The following SLC4A4 variants were observed in gnomAD, a reference collection of about 807,000 sequenced individuals.
SLC4A4 encodes solute carrier family 4 member 4, also known as electrogenic sodium bicarbonate cotransporter 1.
SLC4A4 carries 27 observed loss-of-function variants against 111.5 expected under a neutral mutation model. That is an observed-to-expected ratio of 0.24 (90% confidence interval 0.18 to 0.33). The LOEUF is 0.33. Among genes scored for constraint, SLC4A4 ranks in the 10% least tolerant of loss-of-function variants. The probability of loss-of-function intolerance (pLI) is 1.00; values close to 1 mark genes in which losing one functional copy is unlikely to be tolerated. For missense variants in SLC4A4, 909 were observed against 1,315.5 expected (o/e 0.69, Z 4.78); for synonymous variants, 443 against 463.4 (o/e 0.96, Z 0.57).
intron 3 of SLC4A4, among the ~76,000 whole-genome samples, chr4:71,310,898 G>A (rs949567392): frequency 1.3e-5 from 2 of 152,180 alleles, no homozygotes; most frequent in Admixed American, 6.6e-5. Context: ...TGGATAAAGA[G>A]TCAAGACCCA....
chr4:71,493,645 GTCTT>G (rs1234336549), intron 15 of SLC4A4, among the ~76,000 whole-genome samples: 3 of 150,112 alleles, frequency 2.0e-5, no homozygotes, highest in Non-Finnish European at 4.5e-5. Flanking sequence ...CTCTCTCTCT[GTCTT>G]TCTCTCTCTC....
At chr4:71,246,136 C>T (rs577860054) in intron 2 of SLC4A4, among the ~76,000 whole-genome samples, 1 of 152,130 alleles carries the variant, frequency 6.6e-6, no homozygotes, top group African/African-American at 2.4e-5. Context: ...AAACGTTTAG[C>T]CTTTCCCTCT....
intron 3 of SLC4A4, among the ~76,000 whole-genome samples, chr4:71,319,034 T>C (rs189255841): frequency 1.3e-5 from 2 of 152,034 alleles, no homozygotes; most frequent in African/African-American, 4.8e-5. Flanking sequence ...TTAATATTCA[T>C]TGGTGTCTCT....
intron 12 of SLC4A4, among the ~76,000 whole-genome samples, chr4:71,455,324 C>A (rs983750855): frequency 2.0e-5 from 3 of 152,144 alleles, no homozygotes; most frequent in African/African-American, 7.2e-5. Flanking sequence ...ATGAAATAGA[C>A]AGAGCATGTT....
At chr4:71,287,470 T>G (rs1377805269) in intron 3 of SLC4A4, among the ~76,000 whole-genome samples, 3 of 152,336 alleles carry the variant, frequency 2.0e-5, no homozygotes, top group Admixed American at 2.0e-4. Flanking sequence ...TGAGTGTTGT[T>G]TGGTGTTTCG....
At chr4:71,428,277 A>G (rs752266061) in intron 7 of SLC4A4, among the ~76,000 whole-genome samples, 5 of 152,140 alleles carry the variant, frequency 3.3e-5, no homozygotes, top group Non-Finnish European at 2.9e-5. Flanking sequence ...GGATCTTAAG[A>G]TTCTACAGTA....
At chr4:71,417,582 T>C (rs914173477) in intron 7 of SLC4A4, among the ~76,000 whole-genome samples, 4 of 152,242 alleles carry the variant, frequency 2.6e-5, no homozygotes, top group African/African-American at 9.6e-5. Context: ...CCTGCAGTTC[T>C]TGTTTTTCTT....
rs1379865823 is a variant in SLC4A4, at chr4:71,534,214, T to C, written c.2281-13T>C. On this transcript the variant is annotated splice_polypyrimidine_tract_variant and intron_variant, in intron 17 of 25. Transcript: ENST00000264485. ...TGATAATTTTCTGAAAAATGTCATC[T>C]GTCTTTTTCAAGCCAACAAGTCCAA... 1.9e-6 allele frequency: 3 copies of C among 1,613,070 alleles called. No individual in the cohort carries two copies. The highest frequency in any genetic ancestry group is 1.7e-5 in the Admixed American group (1 of 59,900).
At chr4:71,217,170 A>G (rs1354072778) in intron 1 of SLC4A4, among the ~76,000 whole-genome samples, 2 of 152,164 alleles carry the variant, frequency 1.3e-5, no homozygotes, top group African/African-American at 2.4e-5. Flanking sequence ...CCTTACTGAG[A>G]CTGAATAATA....
intron 11 of SLC4A4, 102 bp downstream of exon 11, chr4:71,451,403 G>A (rs546881193): frequency 4.3e-5 from 34 of 797,418 alleles, no homozygotes; most frequent in Middle Eastern, 2.2e-4. Context: ...CATCTGTTCA[G>A]CCAACAAATA....
At chr4:71,341,894 A>C (rs1440138728) in intron 4 of SLC4A4, among the ~76,000 whole-genome samples, 2 of 152,170 alleles carry the variant, frequency 1.3e-5, no homozygotes, top group African/African-American at 4.8e-5. Context: ...ATCTTTCATA[A>C]CTTAAACAAT....
intron 2 of SLC4A4, among the ~76,000 whole-genome samples, chr4:71,243,653 G>A (rs1466227469): frequency 6.6e-6 from 1 of 152,212 alleles, no homozygotes; most frequent in East Asian, 1.9e-4. Context: ...CAGGTGGGAT[G>A]AAAGGTGAAG....
At chr4:71,480,070 G>A (rs1054140741) in intron 14 of SLC4A4, among the ~76,000 whole-genome samples, 3 of 144,288 alleles carry the variant, frequency 2.1e-5, no homozygotes, top group African/African-American at 7.7e-5. Context: ...CACCCAAACT[G>A]GAATGCAGTG....
At chr4:71,502,137 T>G (rs759113851) in intron 16 of SLC4A4, among the ~76,000 whole-genome samples, 1 of 152,192 alleles carries the variant, frequency 6.6e-6, no homozygotes, top group African/African-American at 2.4e-5. Flanking sequence ...ATTTTTGTAT[T>G]TTTTGTGGAG....
chr4:71,452,932 A>G (rs1318077501), intron 11 of SLC4A4, among the ~76,000 whole-genome samples: 1 of 152,142 alleles, frequency 6.6e-6, no homozygotes, highest in Non-Finnish European at 1.5e-5. Context: ...TGTTGCATTT[A>G]TTCATTTATT....
intron 1 of SLC4A4, among the ~76,000 whole-genome samples, chr4:71,077,843 C>T (rs1284597959): frequency 3.3e-5 from 5 of 152,138 alleles, no homozygotes; most frequent in Non-Finnish European, 7.4e-5. Flanking sequence ...TTCCTTCCAA[C>T]AAAAATACAC....
At chr4:71,203,140 G>A (rs1228359773) in intron 1 of SLC4A4, among the ~76,000 whole-genome samples, 4 of 152,088 alleles carry the variant, frequency 2.6e-5, no homozygotes, top group Admixed American at 6.5e-5. Flanking sequence ...GTTTATATAT[G>A]ATGAGTGGTA....
intron 3 of SLC4A4, among the ~76,000 whole-genome samples, chr4:71,294,621 G>A (rs993697726): frequency 6.6e-6 from 1 of 152,132 alleles, no homozygotes; most frequent in Admixed American, 6.5e-5. Flanking sequence ...CTTTAAGTAC[G>A]GCATCTGGAA....
chr4:71,486,851 T>G lies in SLC4A4; in HGVS notation c.1904-97T>G. 9.5e-6 allele frequency: 6 copies of G among 628,376 alleles called. No homozygotes were observed. In the South Asian group the frequency reaches 1.4e-4, roughly 14 times the overall value. 38.9% of individuals were successfully genotyped at this position (628,376 alleles called of 1,614,324 possible). A position where few individuals can be genotyped will look rare whatever the true frequency, so the allele number is the denominator to read the frequency against. On this transcript the variant is annotated intron_variant, in intron 14 of 25. Coordinates refer to ENST00000264485, the MANE Select transcript of SLC4A4 (RefSeq NM_001098484.3). ...CTTATGTTGTTATTAAAGACATTTT[T>G]ACTGTATAACCCTGCTTTTAAAAAT...
Sources: gnomAD v4.1 joint callset for allele counts (sites outside exome capture counted in the v4.1 genomes callset) on GRCh38, gnomAD v4.1.1 for gene constraint, MANE v1.5 for transcripts, NCBI Gene and HGNC (gene_info 2026-07-23, HGNC 2026-07-21) for gene names.